The following KCNC4 variants were observed in gnomAD, a reference collection of about 807,000 sequenced individuals.
KCNC4 encodes potassium voltage-gated channel subfamily C member 4, also known as voltage-gated potassium channel KCNC4.
In KCNC4, 23 loss-of-function variants were observed where a neutral mutation model predicts 42.8. The observed-to-expected ratio is 0.54, with a 90% confidence interval of 0.39 to 0.76. The LOEUF (loss-of-function observed/expected upper bound fraction) is 0.76. KCNC4 is among the 30% of genes least tolerant of loss of function. The pLI is 0.00. For missense variants in KCNC4, 751 were observed against 898.2 expected, an observed-to-expected ratio of 0.84 and a Z score of 2.10; for synonymous variants, 422 against 393.5, an observed-to-expected ratio of 1.07 and a Z score of -0.86.
At chr1:110,247,606 G>A (rs1312488868) in exon 4 of KCNC4, 1 of 143,816 alleles carries the variant, frequency 7.0e-6, no homozygotes, top group Non-Finnish European at 1.5e-5. Flanking sequence ...CCAGGCTGGA[G>A]TGCAGTGGTG....
chr1:110,231,509 T>A (rs1371810855), intron 3 of KCNC4, among the ~76,000 whole-genome samples: 2 of 152,264 alleles, frequency 1.3e-5, no homozygotes, highest in South Asian at 4.1e-4. Flanking sequence ...AGCCTTGCTG[T>A]GACTCCTTCT....
chr1:110,232,722 C>A, intron 3 of KCNC4, 189 bp from the exon 4 acceptor site: 1 of 1,510,750 alleles, frequency 6.6e-7, no homozygotes, highest in Non-Finnish European at 8.8e-7. Context: ...GTTCCTCATG[C>A]CTTCCAGCTC....
intron 1 of KCNC4, among the ~76,000 whole-genome samples, chr1:110,265,741 A>T (rs1659531560): frequency 6.6e-6 from 1 of 152,184 alleles, no homozygotes; most frequent in Non-Finnish European, 1.5e-5. Flanking sequence ...TGGGTAGGAC[A>T]GGGTAGGTCC....
At chr1:110,254,092 G>GA (rs60155543), downstream of KCNC4, among the ~76,000 whole-genome samples, 1 of 105,362 alleles carries the variant, frequency 9.5e-6, no homozygotes, top group Non-Finnish European at 1.9e-5. Context: ...GCAGAAGTCG[G>GA]GGGGGGGGCG....
At chr1:110,272,072 C>T (rs138367206) in intron 1 of KCNC4, among the ~76,000 whole-genome samples, 62 of 152,298 alleles carry the variant, frequency 4.1e-4, no homozygotes, top group African/African-American at 1.1e-3. Flanking sequence ...TCTGGGGTAC[C>T]TGGCCCACTC....
At chr1:110,241,730 C>G (rs1450356450) in exon 4 of KCNC4, 7 of 152,202 alleles carry the variant, frequency 4.6e-5, no homozygotes. Context: ...CCCTCAAGGC[C>G]CACTCAACTG....
downstream of KCNC4, chr1:110,238,675 G>C (rs908344627): frequency 1.3e-5 from 2 of 152,148 alleles, no homozygotes. Flanking sequence ...CCCTGATGCC[G>C]AGCTGTGATC....
At chr1:110,265,392 TAAAATAAAATAAAATAAAATAAAA>T (rs879730333) in intron 1 of KCNC4, among the ~76,000 whole-genome samples, 10,932 of 138,414 alleles carry the variant, frequency 0.079, 643 homozygotes, top group African/African-American at 0.15. Context: ...TAAAATAAAA[TAAAATAAAATAAAATAAAATAAAA>T]TAAAATATTC....
At chr1:110,235,425 A>G (rs1658883204), downstream of KCNC4, 1 of 152,216 alleles carries the variant, frequency 6.6e-6, no homozygotes, top group African/African-American at 2.4e-5. Context: ...TGACTCCATA[A>G]TGATATTACG....
At chr1:110,275,779 A>G (rs1320217447) in intron 1 of KCNC4, among the ~76,000 whole-genome samples, 1 of 152,022 alleles carries the variant, frequency 6.6e-6, no homozygotes, top group African/African-American at 2.4e-5. Context: ...TAACACAGTG[A>G]AACCCCGTCT....
In KCNC4 at chr1:110,211,706, C is replaced by T. The variant is rs1557849902; in HGVS notation, c.207C>T (p.Asp69=). Residue 69 remains aspartate (D), a synonymous_variant, in exon 1 of 4, where the codon GAC becomes GAT. Transcript: ENST00000438661. The surrounding 1 kb of genome is among the most constrained non-coding windows in gnomAD (Gnocchi z 6.5). The part of the protein sequence containing the change: ...GTRLAWLADP[D]GGGRPETDGG... Reference sequence around the variant, plus strand: ...GCCTCGCCTGGCTGGCCGACCCCGACGGCGGGGGCCGGCCCGAGACCGATG... The same window carrying T: ...GCCTCGCCTGGCTGGCCGACCCCGATGGCGGGGGCCGGCCCGAGACCGATG... 1.2e-6 allele frequency: 2 copies of T among 1,607,882 alleles called. No homozygotes were observed. Among genetic ancestry groups the T allele is most frequent in the Non-Finnish European group, 1.7e-6 (2 of 1,177,206 alleles).
chr1:110,251,142 G>A (rs1242301757), downstream of KCNC4, among the ~76,000 whole-genome samples: 2 of 152,102 alleles, frequency 1.3e-5, no homozygotes, highest in Non-Finnish European at 2.9e-5. Flanking sequence ...TCCATGTGAG[G>A]GGCCCCAACA....
intron 1 of KCNC4, among the ~76,000 whole-genome samples, chr1:110,272,949 G>C (rs1284193679): frequency 6.6e-6 from 1 of 152,188 alleles, no homozygotes; most frequent in East Asian, 1.9e-4. Context: ...TTATAAAAAT[G>C]CTCACTCCCA....
intron 3 of KCNC4, 53 bp downstream of exon 3, chr1:110,226,231 C>T (rs538688138): frequency 1.7e-5 from 26 of 1,540,636 alleles, no homozygotes; most frequent in African/African-American, 8.2e-5. Context: ...CTGAGTCTCC[C>T]GAGTCCCCCA....
chr1:110,269,718 C>A (rs1364564342), intron 1 of KCNC4, among the ~76,000 whole-genome samples: 2 of 151,218 alleles, frequency 1.3e-5, no homozygotes, highest in Admixed American at 6.6e-5. Context: ...TTTTTGGTTA[C>A]CAGATCTCAG....
chr1:110,213,311 A>C (rs1657607318), intron 1 of KCNC4, among the ~76,000 whole-genome samples: 1 of 151,648 alleles, frequency 6.6e-6, no homozygotes, highest in Admixed American at 6.6e-5. Flanking sequence ...GACAGGAAAG[A>C]GCAATGTAAC....
At chr1:110,241,745 CT>C (rs1659038806) in exon 4 of KCNC4, 1 of 152,242 alleles carries the variant, frequency 6.6e-6, no homozygotes, top group Non-Finnish European at 1.5e-5. Context: ...CAACTGTCAC[CT>C]CTGAGAATCC....
chr1:110,271,993 C>T (rs747907768), intron 1 of KCNC4, among the ~76,000 whole-genome samples: 1 of 152,188 alleles, frequency 6.6e-6, no homozygotes, highest in Non-Finnish European at 1.5e-5. Flanking sequence ...TCCCCCCTTC[C>T]CGCCACAATT....
chr1:110,229,041 G>A (rs1658558838), intron 3 of KCNC4: 1 of 152,194 alleles, frequency 6.6e-6, no homozygotes, highest in Admixed American at 6.5e-5. Flanking sequence ...TGTGCACAGA[G>A]CGCCTGGGGC....
Sources: gnomAD v4.1 joint callset for allele counts (sites outside exome capture counted in the v4.1 genomes callset) on GRCh38, gnomAD v4.1.1 for gene constraint, Gnocchi (gnomAD v3.1) non-coding constraint, MANE v1.5 for transcripts, NCBI Gene and HGNC (gene_info 2026-07-23, HGNC 2026-07-21) for gene names.